HEG1: variants seen among roughly 807,000 people sequenced by gnomAD.
The protein encoded by HEG1 is heart development protein with EGF like domains 1.
A neutral mutation model predicts 125.6 loss-of-function variants in HEG1; 56 were observed. That is an observed-to-expected ratio of 0.45 (90% confidence interval 0.36 to 0.56). The LOEUF (loss-of-function observed/expected upper bound fraction) is 0.56, where lower values mean the gene tolerates loss of function less well. HEG1 is among the 20% of genes least tolerant of loss of function. The probability of loss-of-function intolerance (pLI) is 0.00; values close to 1 mark genes in which losing one functional copy is unlikely to be tolerated. For synonymous variants in HEG1, 644 were observed against 668.5 expected, an observed-to-expected ratio of 0.96 and a Z score of 0.57; for missense variants, 1,523 against 1,670.0, an observed-to-expected ratio of 0.91 and a Z score of 1.53.
intron 10 of HEG1, 110 bp downstream of exon 10, chr3:125,002,147 T>C (rs1285729021): frequency 4.6e-5 from 69 of 1,491,696 alleles, no homozygotes; most frequent in Non-Finnish European, 2.0e-5. Flanking sequence ...TGGCCCTGGA[T>C]TGCCCCATGG....
intron 1 of HEG1, among the ~76,000 whole-genome samples, chr3:125,039,835 C>A (rs868173217): frequency 2.0e-3 from 259 of 132,222 alleles, no homozygotes; most frequent in Admixed American, 2.6e-3. Context: ...AGAACAGAGC[C>A]AAAAAAAAAA....
chr3:124,971,481 T>C (rs1449169570), intron 16 of HEG1, among the ~76,000 whole-genome samples: 1 of 151,922 alleles, frequency 6.6e-6, no homozygotes, highest in Non-Finnish European at 1.5e-5. Flanking sequence ...TTTCTTTCTT[T>C]TCTTTTCTTT....
intron 5 of HEG1, 83 bp from the exon 6 acceptor site, chr3:125,014,073 T>C (rs903167541): frequency 9.7e-6 from 12 of 1,239,246 alleles, no homozygotes; most frequent in Admixed American, 2.8e-5. Context: ...ACTTTCAGTG[T>C]CATGAAACTC....
At chr3:125,018,870 T>C (rs1937291697) in intron 5 of HEG1, among the ~76,000 whole-genome samples, 1 of 150,920 alleles carries the variant, frequency 6.6e-6, no homozygotes, top group African/African-American at 2.4e-5. Flanking sequence ...CATGCTTTTT[T>C]TTTTTTTTTT....
chr3:125,003,679 C>A (rs1937032511), intron 9 of HEG1, among the ~76,000 whole-genome samples: 1 of 152,128 alleles, frequency 6.6e-6, no homozygotes, highest in African/African-American at 2.4e-5. Flanking sequence ...TTGAGGTCAG[C>A]CACATGACAA....
chr3:124,982,433 A>G (rs1936671492), intron 14 of HEG1, among the ~76,000 whole-genome samples: 1 of 152,234 alleles, frequency 6.6e-6, no homozygotes, highest in South Asian at 2.1e-4. Flanking sequence ...GAGGCAGTGA[A>G]TGTCATCTTA....
intron 8 of HEG1, among the ~76,000 whole-genome samples, chr3:125,007,477 T>G (rs1433428985): frequency 6.6e-6 from 1 of 152,242 alleles, no homozygotes; most frequent in Admixed American, 6.5e-5. Context: ...ATGATTTTTT[T>G]GGGAAAGAGC....
intron 8 of HEG1, 44 bp downstream of exon 8, chr3:125,009,661 T>A: frequency 6.5e-7 from 1 of 1,549,734 alleles, no homozygotes; most frequent in Non-Finnish European, 8.8e-7. Flanking sequence ...TTGTAAAATA[T>A]ATTGTGGTAC....
At chr3:125,050,504 C>T (rs373510159) in intron 1 of HEG1, among the ~76,000 whole-genome samples, 1 of 152,196 alleles carries the variant, frequency 6.6e-6, no homozygotes, top group Non-Finnish European at 1.5e-5. Flanking sequence ...ATCAACTCCC[C>T]CCTTTCCCAC....
intron 3 of HEG1, among the ~76,000 whole-genome samples, chr3:125,026,955 G>A (rs1397786032): frequency 6.6e-6 from 1 of 152,174 alleles, no homozygotes; most frequent in African/African-American, 2.4e-5. Flanking sequence ...AGCTGAGATC[G>A]CGTCACTGTA....
At chr3:124,972,333 G>C (rs1023184767) in intron 16 of HEG1, among the ~76,000 whole-genome samples, 3 of 152,284 alleles carry the variant, frequency 2.0e-5, no homozygotes, top group African/African-American at 7.2e-5. Flanking sequence ...AGTTAGTAAA[G>C]GAAAAGGACT....
At position 125,013,831 on chromosome 3, in the gene HEG1, C is replaced by A; in HGVS notation, c.1748G>T (p.Ser583Ile). The change falls in exon 6 of 17, where the codon AGC becomes ATC. Residue 583 changes from serine to isoleucine, a missense_variant. Coordinates refer to ENST00000311127, the MANE Select transcript of HEG1 (RefSeq NM_020733.2). ...TGAGATTTTAATATAAGAAGTTGAG[C>A]TCTCCACAATGTCTGAGGATGAACT... ...DNSSSSDIVESSTSYIKISNS... is the reference protein window; with the variant it reads ...DNSSSSDIVEISTSYIKISNS... 1 of 1,613,796 alleles carries A rather than the reference C, an allele frequency of 6.2e-7. No homozygotes were observed. Among genetic ancestry groups the A allele is most frequent in the African/African-American group, 1.3e-5 (1 of 74,966 alleles).
intron 1 of HEG1, among the ~76,000 whole-genome samples, chr3:125,036,670 C>CTTTGTCTACCCCTCGTAGACAAAGA (rs1333014874): frequency 1.3e-5 from 2 of 152,108 alleles, no homozygotes; most frequent in Non-Finnish European, 1.5e-5. Context: ...ATGTGCAATT[C>CTTTGTCTACCCCTCGTAGACAAAGA]ACAAAAGGAA....
At chr3:125,003,966 C>A (rs780369362) in intron 9 of HEG1, among the ~76,000 whole-genome samples, 87 of 152,184 alleles carry the variant, frequency 5.7e-4, no homozygotes, top group Non-Finnish European at 1.1e-3. Flanking sequence ...AAACTGAGGG[C>A]GATCTTGGGG....
rs1021969666 is a variant in HEG1 at position 124,991,028 on chromosome 3, T to C, written c.3653-42A>G. The C allele has an allele frequency of 1.2e-5, 18 of 1,465,726 alleles. No individual in the cohort carries two copies. In the Admixed American group the frequency reaches 3.5e-4, roughly 29 times the overall value. 90.8% of individuals were successfully genotyped at this position (1,465,726 alleles called of 1,614,324 possible). A position where few individuals can be genotyped will look rare whatever the true frequency, so the allele number is the denominator to read the frequency against. ...AAATGCATGAGTGTGTCTATTTACC[T>C]CTCCCAAACTCCCAGTTAATTAAAC... On this transcript the variant is annotated intron_variant, in intron 12 of 16. Coordinates refer to ENST00000311127, the MANE Select transcript of HEG1 (RefSeq NM_020733.2).
At chr3:125,044,820 T>C (rs148683245) in intron 1 of HEG1, among the ~76,000 whole-genome samples, 2 of 152,296 alleles carry the variant, frequency 1.3e-5, no homozygotes, top group East Asian at 3.9e-4. Context: ...CCTTGTGGGC[T>C]TCGGGGATGT....
intron 2 of HEG1, 64 bp from the exon 3 acceptor site, chr3:125,027,571 TA>T (rs1177856632): frequency 7.4e-6 from 10 of 1,351,170 alleles, no homozygotes; most frequent in Non-Finnish European, 1.0e-5. Flanking sequence ...AATATGCTTT[TA>T]GGGGGCTCAG....
In HEG1 at chr3:125,021,082, G is replaced by T. The variant is rs376280292; in HGVS notation, c.962C>A (p.Ser321Tyr). The T allele has an allele frequency of 1.9e-6, 3 of 1,598,882 alleles. No homozygotes were observed. The East Asian group carries it at 6.7e-5, about 36-fold the overall frequency. ...CATTGTCTTTGTTTGACTGACTGAG[G>T]AGCTCTGGAGGCCAGTGGAGTTGTT... ...KLNNSTGLQS[S>Y]SVSQTKTMHV... is the part of the protein sequence containing the mutation. Residue 321 changes from serine (S) to tyrosine (Y), a missense_variant, in exon 4 of 17, where the codon TCC becomes TAC. Coordinates refer to ENST00000311127, the MANE Select transcript of HEG1 (RefSeq NM_020733.2).
chr3:124,987,425 A>G (rs1936754846), intron 14 of HEG1, among the ~76,000 whole-genome samples: 1 of 151,762 alleles, frequency 6.6e-6, no homozygotes. Flanking sequence ...TTTCTCTGCC[A>G]TCAGGTGGGA....
Sources: allele counts gnomAD v4.1 joint callset (sites outside exome capture counted in the v4.1 genomes callset), GRCh38; gene constraint gnomAD v4.1.1; transcripts MANE v1.5; gene names NCBI Gene and HGNC (gene_info 2026-07-23, HGNC 2026-07-21).